Variants in GATA5 observed in about 807,000 individuals in gnomAD.
GATA5 encodes GATA binding protein 5, also known as transcription factor GATA-5.
Under a neutral mutation model 35.0 loss-of-function variants are expected in GATA5, and 27 were observed. The observed-to-expected ratio is 0.77, with a 90% CI of 0.57 to 1.06. GATA5 has a LOEUF of 1.06. GATA5 is among the 50% of genes least tolerant of loss of function. The pLI is 0.00. For missense variants in GATA5, 612 were observed against 580.0 expected (o/e 1.06, Z -0.57); for synonymous variants, 306 against 267.8 (o/e 1.14, Z -1.39).
At chr20:62,468,797 A>C (rs1989654731) in intron 3 of GATA5, among the ~76,000 whole-genome samples, 2 of 152,212 alleles carry the variant, frequency 1.3e-5, no homozygotes, top group South Asian at 4.1e-4. Flanking sequence ...ACTTCTGCTC[A>C]CGCTGGAGGG....
rs1555896024 is a variant in GATA5, at chr20:62,465,868, C to T, written c.879G>A (p.Lys293=). The change falls in exon 5 of 7, where the codon AAG becomes AAA. Residue 293 remains lysine (K), a synonymous_variant. Coordinates refer to ENST00000252997, the MANE Select transcript of GATA5 (RefSeq NM_080473.5). ...CCCTGGCCTTGGCGATGGTCTTTGGCTTCCGCTTCCGTGTCTGGATGCTTT... is the reference window on the plus strand; with the variant it reads ...CCCTGGCCTTGGCGATGGTCTTTGGTTTCCGCTTCCGTGTCTGGATGCTTT... The part of the protein sequence containing the change: ...KKESIQTRKR[K]PKTIAKARGS... The T allele has an allele frequency of 1.3e-6, 2 of 1,597,236 alleles. No individual in the cohort carries two copies. The highest frequency in any genetic ancestry group is 1.7e-6 in the Non-Finnish European group (2 of 1,171,830).
rs948207970 is a variant in GATA5 at position 62,463,617 on chromosome 20, C to T, written c.*1219G>A. 3.5e-4 allele frequency: 32 copies of T among 92,472 alleles called. No individual in the cohort carries two copies. The highest frequency in any genetic ancestry group is 8.5e-4 in the African/African-American group (29 of 34,094). The allele number at this position is 92,472 out of a possible 1,614,324, so 5.7% of individuals were successfully genotyped here. On this transcript the variant is annotated 3_prime_UTR_variant, in exon 7 of 7. Transcript: ENST00000252997. ...GAGGGACAGTTTCAGAATGACCGGA[C>T]CCGCTCCTGAAGCTGATGCCAGACA...
Position 62,465,477 on chromosome 20 carries a change from AG to A in GATA5, c.914-14del, listed in dbSNP as rs1989561311. 1.2e-6 allele frequency: 2 copies of A among 1,603,874 alleles called. No individual in the cohort carries two copies. On this transcript the variant is annotated splice_polypyrimidine_tract_variant and intron_variant, in intron 5 of 6. Coordinates refer to ENST00000252997, the MANE Select transcript of GATA5 (RefSeq NM_080473.5). ...TTCCTTGTGGATCCTGGAAGCGAAG[AG>A]GGGGTGTTTACAGAGGGGTCAGGTG... is the stretch of plus-strand genomic sequence containing the variant.
intron 3 of GATA5, among the ~76,000 whole-genome samples, chr20:62,468,017 C>T (rs988255514): frequency 2.7e-5 from 4 of 150,610 alleles, no homozygotes; most frequent in East Asian, 3.9e-4. Flanking sequence ...CAGCCTGCCT[C>T]GGTTTCCCCA....
chr20:62,465,806 G>T, intron 5 of GATA5, 28 bp downstream of exon 5: 1 of 1,532,398 alleles, frequency 6.5e-7, no homozygotes, highest in Non-Finnish European at 8.9e-7. Flanking sequence ...CGCAGGAGCG[G>T]GGCTGACTGC....
At chr20:62,471,144 TA>T (rs1989710171) in intron 3 of GATA5, among the ~76,000 whole-genome samples, 1 of 151,968 alleles carries the variant, frequency 6.6e-6, no homozygotes, top group Admixed American at 6.6e-5. Flanking sequence ...TGGACACAGG[TA>T]TTGCCCGGCT....
At chr20:62,475,564 G>A (rs986539596) in intron 1 of GATA5, 22 bp from the exon 2 acceptor site, 5 of 1,241,658 alleles carry the variant, frequency 4.0e-6, no homozygotes, top group Non-Finnish European at 5.0e-6. Context: ...AGGGACAGGT[G>A]TGGAGGTCAC....
At chr20:62,465,785 G>C in intron 5 of GATA5, 49 bp downstream of exon 5, 1 of 1,425,374 alleles carries the variant, frequency 7.0e-7, no homozygotes. Flanking sequence ...TGGAGGCACC[G>C]AAGGCCACTC....
At position 62,475,124 on chromosome 20, in the gene GATA5, G is replaced by A. The variant is rs1989821486; in HGVS notation, c.398C>T (p.Pro133Leu). Residue 133 changes from proline to leucine, a missense_variant, in exon 2 of 7, where the codon CCG (proline) becomes CTG (leucine). Coordinates refer to ENST00000252997, the MANE Select transcript of GATA5 (RefSeq NM_080473.5). ...REQFAAPLGR[P>L]VGTSYSATYP... ...GGTGGCGGAGTACGAGGTCCCCACC[G>A]GCCGCCCAAGCGGGGCCGCGAACTG... The A allele has an allele frequency of 1.5e-6, 2 of 1,375,332 alleles. No homozygotes were observed. The highest frequency in any genetic ancestry group is 1.7e-5 in the South Asian group (1 of 57,634). The allele number at this position is 1,375,332 out of a possible 1,614,324, so 85.2% of individuals were successfully genotyped here.
At chr20:62,469,248 C>T (rs1989665842) in intron 3 of GATA5, among the ~76,000 whole-genome samples, 1 of 152,266 alleles carries the variant, frequency 6.6e-6, no homozygotes, top group Non-Finnish European at 1.5e-5. Context: ...AATCCTTTGT[C>T]TCCTGCAGTA....
chr20:62,475,273 TG>T lies in GATA5; in HGVS notation c.248del (p.Pro83GlnfsTer64), dbSNP rs1555897019. The T allele has an allele frequency of 1.6e-6, 2 of 1,245,910 alleles. No individual in the cohort carries two copies. Among genetic ancestry groups the T allele is most frequent in the South Asian group, 3.5e-5 (1 of 28,708 alleles). 77.2% of individuals were successfully genotyped at this position (1,245,910 alleles called of 1,614,324 possible). On this transcript the variant is annotated frameshift_variant, in exon 2 of 7. Transcript: ENST00000252997. LOFTEE classifies it high-confidence loss of function. Reference sequence around the variant, plus strand: ...CGGTGGCCCCGGGCGGGTGCGCGGCTGGGGGGTGCGGACTGCCCGGGCCGAA... The same window carrying T: ...CGGTGGCCCCGGGCGGGTGCGCGGCTGGGGGTGCGGACTGCCCGGGCCGAA... ...SAFGPGSPHPPAAHPPGATAF... is the reference protein window; with the variant it reads ...SAFGPGSPHPXAAHPPGATAF...
chr20:62,475,575 G>A, intron 1 of GATA5, 33 bp from the exon 2 acceptor site: 1 of 1,215,768 alleles, frequency 8.2e-7, no homozygotes, highest in Non-Finnish European at 1.0e-6. Context: ...TGGAGGTCAC[G>A]GGAGCTCTGC....
chr20:62,473,757 C>T (rs1404089560), intron 2 of GATA5, among the ~76,000 whole-genome samples, 179 bp from the exon 3 acceptor site: 1 of 152,232 alleles, frequency 6.6e-6, no homozygotes, highest in Non-Finnish European at 1.5e-5. Flanking sequence ...CTTACTTCAT[C>T]TTATTTTTAA....
intron 3 of GATA5, 133 bp downstream of exon 3, chr20:62,473,270 C>T (rs965990023): frequency 2.2e-5 from 21 of 956,552 alleles, no homozygotes; most frequent in Middle Eastern, 3.3e-4. Flanking sequence ...CCCACCGGGG[C>T]GGGCACCCAG....
chr20:62,473,718 T>TA, intron 2 of GATA5, 140 bp from the exon 3 acceptor site: 2 of 684,954 alleles, frequency 2.9e-6, no homozygotes, highest in Non-Finnish European at 4.8e-6. Context: ...TCTTGTGCCT[T>TA]AGATGTATTT....
In GATA5 at chr20:62,473,614, CCCTCCCCAGGAT is replaced by C. The variant is rs147905576; in HGVS notation, c.524-48_524-37del. Reference sequence around the variant, plus strand: ...AGGCAGCTGGTGGGCCCGGGCCCTCCCCTCCCCAGGATCCTCCCCAGCTCATGGGCCGGCACC... The same window carrying C: ...AGGCAGCTGGTGGGCCCGGGCCCTCCCCTCCCCAGCTCATGGGCCGGCACC... On this transcript the variant is annotated intron_variant, in intron 2 of 6. Transcript: ENST00000252997. 1,922 of 1,553,054 alleles carry C rather than the reference CCCTCCCCAGGAT, an allele frequency of 1.2e-3. 20 individuals carry two copies. The African/African-American group carries it at 0.022, about 18-fold the overall frequency.
At chr20:62,466,377 A>G (rs377509092) in intron 4 of GATA5, 49 bp downstream of exon 4, 207 of 1,531,496 alleles carry the variant, frequency 1.4e-4, no homozygotes, top group Non-Finnish European at 1.7e-4. Flanking sequence ...GGCGCTCGCT[A>G]GGAGGCTGGA....
In GATA5 at chr20:62,465,326, G is replaced by A; in HGVS notation, c.1038+14C>T. 3 of 1,130,204 alleles carry A rather than the reference G, an allele frequency of 2.7e-6. No individual in the cohort carries two copies. Among genetic ancestry groups the A allele is most frequent in the Non-Finnish European group, 3.8e-6 (3 of 799,178 alleles). 70.0% of individuals were successfully genotyped at this position (1,130,204 alleles called of 1,614,324 possible). On this transcript the variant is annotated intron_variant, in intron 6 of 6. Coordinates refer to ENST00000252997, the MANE Select transcript of GATA5 (RefSeq NM_080473.5). ...CCCCAGCTCTGGGCACCCCACCCCA[G>A]CCCACCCCCTTACCTGGGGGGCCAT...
At chr20:62,467,450 C>G (rs1197569394) in intron 3 of GATA5, among the ~76,000 whole-genome samples, 1 of 152,218 alleles carries the variant, frequency 6.6e-6, no homozygotes, top group Non-Finnish European at 1.5e-5. Flanking sequence ...AGCCCTTTCC[C>G]GAATCTCAGA....
Sources: allele counts gnomAD v4.1 joint callset (sites outside exome capture counted in the v4.1 genomes callset), GRCh38; gene constraint gnomAD v4.1.1; transcripts MANE v1.5; gene names NCBI Gene and HGNC (gene_info 2026-07-23, HGNC 2026-07-21).